Variants in STOX2 observed in about 807,000 individuals in gnomAD.
The protein encoded by STOX2 is storkhead-box protein 2.
A neutral mutation model predicts 60.9 loss-of-function variants in STOX2; 28 were observed. That is an observed-to-expected ratio of 0.46 (90% confidence interval 0.34 to 0.63). The LOEUF is 0.63. Ranked by LOEUF, STOX2 falls within the 30% of genes least tolerant of loss-of-function variation. STOX2 has a pLI of 0.01. For synonymous variants in STOX2, 472 were observed against 463.9 expected (o/e 1.02, Z -0.22); for missense variants, 1,024 against 1,187.7 (o/e 0.86, Z 2.03).
chr4:183,989,168 GGTT>G (rs1389158399), intron 1 of STOX2, among the ~76,000 whole-genome samples: 1 of 92,548 alleles, frequency 1.1e-5, no homozygotes, highest in African/African-American at 5.4e-5. Context: ...CATTTTTTCT[GGTT>G]TTTTTTTTTT....
Position 183,836,320 on chromosome 4 carries a change from G to A in STOX2, c.364+38265G>A, listed in dbSNP as rs753948917. On this transcript the variant is annotated intron_variant, in intron 1 of 2. Coordinates refer to the STOX2 transcript ENST00000513034. The surrounding 1 kb of genome is among the most constrained non-coding windows in gnomAD (Gnocchi z 4.1). ...TCTGCAAGTCAATGGGTATGGTTGTGGTGTAGCGGGTTTCAGCAGCAACAG... is the reference window on the plus strand; with the variant it reads ...TCTGCAAGTCAATGGGTATGGTTGTAGTGTAGCGGGTTTCAGCAGCAACAG... 6.6e-6 allele frequency among the ~76,000 whole-genome samples: 1 copy of A among 152,174 alleles called. No homozygotes were observed. Among genetic ancestry groups the A allele is most frequent in the Non-Finnish European group, 1.5e-5 (1 of 68,034 alleles).
intron 1 of STOX2, among the ~76,000 whole-genome samples, chr4:183,818,241 C>G (rs7691358): frequency 0.091 from 13,823 of 151,484 alleles, 1,996 homozygotes; most frequent in African/African-American, 0.32. Context: ...GAGGACCCTG[C>G]GGCCTTCCTC....
intron 1 of STOX2, among the ~76,000 whole-genome samples, chr4:183,989,117 G>T (rs943579160): frequency 2.0e-5 from 3 of 151,002 alleles, no homozygotes; most frequent in Non-Finnish European, 2.9e-5. Context: ...TATCTATCTC[G>T]CTCGCTGCTC....
chr4:184,002,273 C>T (rs942142065), intron 2 of STOX2, among the ~76,000 whole-genome samples: 15 of 152,184 alleles, frequency 9.9e-5, no homozygotes, highest in Admixed American at 5.9e-4. Context: ...AATACATTAT[C>T]GGGCTACCAG....
intron 1 of STOX2, among the ~76,000 whole-genome samples, chr4:183,916,552 A>G (rs1037848947): frequency 1.3e-5 from 2 of 152,200 alleles, no homozygotes; most frequent in African/African-American, 2.4e-5. Context: ...CAAGCTTGGT[A>G]CAATGGAAGC....
chr4:183,850,337 G>C (rs62340388), intron 1 of STOX2, among the ~76,000 whole-genome samples: 9,120 of 152,152 alleles, frequency 0.06, 314 homozygotes, highest in East Asian at 0.16. Context: ...AAATTTTGGA[G>C]AATGCCATAT....
intron 1 of STOX2, among the ~76,000 whole-genome samples, chr4:183,922,041 T>C (rs955328394): frequency 5.3e-5 from 8 of 152,244 alleles, no homozygotes; most frequent in Admixed American, 2.6e-4. Context: ...GCATGTCTAC[T>C]TAACTTCTTA....
At chr4:183,929,253 G>A (rs560649746) in intron 1 of STOX2, among the ~76,000 whole-genome samples, 2 of 152,318 alleles carry the variant, frequency 1.3e-5, no homozygotes, top group East Asian at 3.9e-4. Flanking sequence ...GTTCAGAGCT[G>A]TGCCCCAAAT....
chr4:183,969,566 C>A (rs1397209483), intron 1 of STOX2, among the ~76,000 whole-genome samples: 1 of 152,252 alleles, frequency 6.6e-6, no homozygotes, highest in South Asian at 2.1e-4. Context: ...CCATACCCCG[C>A]TAGATTTCTG....
intron 1 of STOX2, among the ~76,000 whole-genome samples, chr4:183,942,579 TA>T (rs34629021): frequency 0.083 from 12,482 of 150,964 alleles, 974 homozygotes; most frequent in East Asian, 0.45. Flanking sequence ...TTCCTTTTCT[TA>T]AAAAAAAAGT....
chr4:183,831,028 C>T (rs1487407591), intron 1 of STOX2, among the ~76,000 whole-genome samples: 1 of 151,098 alleles, frequency 6.6e-6, no homozygotes, highest in Admixed American at 6.6e-5. Flanking sequence ...GGTTAGTCCT[C>T]GGCGGAGATG....
At chr4:183,967,114 G>A (rs1579481255) in intron 1 of STOX2, among the ~76,000 whole-genome samples, 5 of 152,292 alleles carry the variant, frequency 3.3e-5, no homozygotes, top group Admixed American at 2.6e-4. Flanking sequence ...TGTAATCCCA[G>A]CACTTTGGGA....
chr4:184,011,069 C>G lies in STOX2; in HGVS notation c.2231C>G (p.Pro744Arg). 6.2e-7 allele frequency: 1 copy of G among 1,609,060 alleles called. No individual in the cohort carries two copies. The highest frequency in any genetic ancestry group is 2.2e-5 in the East Asian group (1 of 44,746). ...TLPGRCEKLEPSLGTSAAQAM... is the reference protein window; with the variant it reads ...TLPGRCEKLERSLGTSAAQAM... ...CCAGGCCGATGTGAGAAACTGGAAC[C>G]GTCCCTGGGGACCTCGGCGGCACAA... Residue 744 changes from proline (P) to arginine (R), a missense_variant, in exon 3 of 4, where the codon CCG becomes CGG. Around this residue, in one of 3 missense-constraint regions of STOX2, gnomAD observed 922 missense variants for 1,058.3 expected, o/e 0.87. Coordinates refer to ENST00000308497, the MANE Select transcript of STOX2 (RefSeq NM_020225.3). This position sits in a 1 kb window ranked among gnomAD's most constrained non-coding sequence, Gnocchi z 4.4.
intron 1 of STOX2, among the ~76,000 whole-genome samples, chr4:183,852,339 A>C (rs1216112311): frequency 1.2e-4 from 13 of 108,062 alleles, no homozygotes; most frequent in Admixed American, 8.1e-4. Flanking sequence ...GAGGGAAAGG[A>C]TGAGGGAAAG....
Position 183,885,306 on chromosome 4 carries a change from GT to G in STOX2, c.364+87252del, listed in dbSNP as rs369811189. Among the ~76,000 whole-genome samples the G allele has an allele frequency of 1.7e-3, 258 of 152,298 alleles. 4 individuals carry two copies. The highest frequency in any genetic ancestry group is 5.9e-3 in the African/African-American group (244 of 41,540). Reference sequence around the variant, plus strand: ...GCTTTGGCTGGTCCAAGAAGGACAAGTGTTTCAGAAAAAATATAGAGAGAGC... The same window carrying G: ...GCTTTGGCTGGTCCAAGAAGGACAAGGTTTCAGAAAAAATATAGAGAGAGC... On this transcript the variant is annotated intron_variant, in intron 1 of 2. Coordinates refer to the STOX2 transcript ENST00000513034.
At chr4:183,961,149 G>T (rs766574829) in intron 1 of STOX2, among the ~76,000 whole-genome samples, 3 of 152,068 alleles carry the variant, frequency 2.0e-5, no homozygotes, top group African/African-American at 7.2e-5. Context: ...GGTATGTGTC[G>T]CTAGGGGGGA....
At chr4:183,863,340 G>A (rs988596785) in intron 1 of STOX2, among the ~76,000 whole-genome samples, 2 of 152,196 alleles carry the variant, frequency 1.3e-5, no homozygotes, top group Non-Finnish European at 2.9e-5. Flanking sequence ...AGTTCTGGAG[G>A]TGCCACTTGG....
chr4:184,016,741 AT>A (rs1354465185), intron 3 of STOX2, among the ~76,000 whole-genome samples: 22 of 152,200 alleles, frequency 1.4e-4, no homozygotes, highest in Non-Finnish European at 3.1e-4. Flanking sequence ...ACTTAGGTGT[AT>A]TTATGAGTAT....
intron 1 of STOX2, among the ~76,000 whole-genome samples, chr4:183,866,981 G>A (rs550114808): frequency 6.6e-6 from 1 of 152,076 alleles, no homozygotes; most frequent in Admixed American, 6.5e-5. Flanking sequence ...TTGATACTCC[G>A]TGATACAAAT....
Sources: gnomAD v4.1 joint callset for allele counts (sites outside exome capture counted in the v4.1 genomes callset) on GRCh38, gnomAD v4.1.1 for gene constraint, gnomAD v4.1.1 regional missense constraint, Gnocchi (gnomAD v3.1) non-coding constraint, MANE v1.5 for transcripts, NCBI Gene and HGNC (gene_info 2026-07-23, HGNC 2026-07-21) for gene names.